Variants in ROBO2 observed in about 807,000 individuals in gnomAD.
ROBO2 encodes roundabout guidance receptor 2.
Under a neutral mutation model 160.8 loss-of-function variants are expected in ROBO2, and 53 were observed. The ratio of observed to expected loss-of-function variants is 0.33; its 90% CI spans 0.26 to 0.41. The LOEUF (loss-of-function observed/expected upper bound fraction) is 0.41. Ranked by LOEUF, ROBO2 falls within the 10% of genes least tolerant of loss-of-function variation. The pLI, the probability that ROBO2 is intolerant of heterozygous loss-of-function variation, is 1.00. For missense variants in ROBO2, 1,577 were observed against 1,722.4 expected (o/e 0.92, Z 1.49); for synonymous variants, 664 against 611.7 (o/e 1.09, Z -1.26).
chr3:76,500,860 A>G (rs1230139726), intron 2 of ROBO2, among the ~76,000 whole-genome samples: 1 of 152,170 alleles, frequency 6.6e-6, no homozygotes, highest in East Asian at 1.9e-4. Context: ...TAATAAAATG[A>G]TAGGTATCCA....
At chr3:76,927,705 T>C (rs1291333104) in intron 2 of ROBO2, among the ~76,000 whole-genome samples, 2 of 152,166 alleles carry the variant, frequency 1.3e-5, no homozygotes, top group Non-Finnish European at 2.9e-5. Flanking sequence ...AGCAAATATA[T>C]CAAAAATTTA....
At chr3:77,489,882 G>T (rs2085851944) in intron 4 of ROBO2, among the ~76,000 whole-genome samples, 1 of 151,986 alleles carries the variant, frequency 6.6e-6, no homozygotes, top group Non-Finnish European at 1.5e-5. Context: ...TTCCAATATT[G>T]TCAGTTTTGC....
intron 6 of ROBO2, among the ~76,000 whole-genome samples, chr3:77,534,161 G>A (rs912270971): frequency 6.6e-6 from 1 of 151,882 alleles, no homozygotes; most frequent in Non-Finnish European, 1.5e-5. Context: ...CATAATTTGT[G>A]GTTTTGGGGC....
intron 2 of ROBO2, among the ~76,000 whole-genome samples, chr3:76,819,961 T>C (rs1319706980): frequency 6.6e-6 from 1 of 152,092 alleles, no homozygotes; most frequent in Non-Finnish European, 1.5e-5. Flanking sequence ...GTCTGTCTGA[T>C]GACTCTATTT....
intron 2 of ROBO2, among the ~76,000 whole-genome samples, chr3:77,114,962 A>T (rs1270113220): frequency 6.6e-6 from 1 of 152,128 alleles, no homozygotes; most frequent in Non-Finnish European, 1.5e-5. Context: ...GAACTACTGT[A>T]AAGATCTTTT....
At chr3:77,609,262 CCTT>C (rs1465110092) in intron 21 of ROBO2, among the ~76,000 whole-genome samples, 1 of 151,880 alleles carries the variant, frequency 6.6e-6, no homozygotes, top group African/African-American at 2.4e-5. Flanking sequence ...CCTGTGTCCT[CCTT>C]CTCTAACATA....
At chr3:77,196,075 T>C (rs1254196987) in intron 2 of ROBO2, among the ~76,000 whole-genome samples, 1 of 152,190 alleles carries the variant, frequency 6.6e-6, no homozygotes, top group Non-Finnish European at 1.5e-5. Flanking sequence ...AATGAAGGCC[T>C]GAAACTAATC....
chr3:77,309,219 T>C (rs2063344046), intron 2 of ROBO2, among the ~76,000 whole-genome samples: 1 of 152,216 alleles, frequency 6.6e-6, no homozygotes, highest in African/African-American at 2.4e-5. Flanking sequence ...TGCCAGTTGT[T>C]ACTAAGCTTT....
chr3:76,946,410 GT>G, intron 2 of ROBO2, among the ~76,000 whole-genome samples: 1 of 151,502 alleles, frequency 6.6e-6, no homozygotes, highest in South Asian at 2.1e-4. Context: ...CTCTAACTCT[GT>G]TTTTTTGTTG....
At chr3:75,955,778 G>T (rs1384546151) in intron 2 of ROBO2, among the ~76,000 whole-genome samples, 1 of 151,622 alleles carries the variant, frequency 6.6e-6, no homozygotes, top group African/African-American at 2.4e-5. Context: ...GTCGTGGTGT[G>T]GGAGATATGT....
chr3:76,406,088 T>G (rs1037294104), intron 2 of ROBO2, among the ~76,000 whole-genome samples: 1 of 151,786 alleles, frequency 6.6e-6, no homozygotes, highest in Non-Finnish European at 1.5e-5. Flanking sequence ...ATTACACAAT[T>G]TTTTCATTTC....
intron 2 of ROBO2, among the ~76,000 whole-genome samples, chr3:76,181,792 TA>T (rs562309823): frequency 5.4e-5 from 8 of 148,614 alleles, no homozygotes; most frequent in Middle Eastern, 3.4e-3. Flanking sequence ...TTTTATGTCC[TA>T]AAAAAAAAGG....
At chr3:77,597,860 T>C (rs907792338) in intron 19 of ROBO2, among the ~76,000 whole-genome samples, 10 of 152,104 alleles carry the variant, frequency 6.6e-5, no homozygotes, top group Non-Finnish European at 1.2e-4. Context: ...TATAGAAGGA[T>C]AGATAACAAA....
At position 76,810,631 on chromosome 3, in the gene ROBO2, C is replaced by G. The variant is rs549391096; in HGVS notation, c.110-287383C>G. ...CAGGAAGAAGAAGAAACAGCTACTA[C>G]AGACACAATTTAAAAGGATTCAAGA... is the stretch of plus-strand genomic sequence containing the variant. On this transcript the variant is annotated intron_variant, in intron 2 of 26. Transcript: ENST00000487694. 9.2e-5 allele frequency among the ~76,000 whole-genome samples: 14 copies of G among 152,178 alleles called. No individual in the cohort carries two copies. The East Asian group carries it at 2.5e-3, about 27-fold the overall frequency.
chr3:77,568,229 G>A (rs2093543719), intron 12 of ROBO2, 84 bp from the exon 14 acceptor site: 2 of 1,502,028 alleles, frequency 1.3e-6, no homozygotes, highest in East Asian at 4.9e-5. Context: ...TAGTTCTAAA[G>A]ACATGAGGTT....
At chr3:76,326,686 G>C (rs986062375) in intron 2 of ROBO2, among the ~76,000 whole-genome samples, 7 of 151,086 alleles carry the variant, frequency 4.6e-5, no homozygotes, top group Non-Finnish European at 1.0e-4. Flanking sequence ...AGTTACATAC[G>C]TATACATGTG....
intron 20 of ROBO2, among the ~76,000 whole-genome samples, chr3:77,607,351 A>G (rs1202913686): frequency 2.0e-5 from 3 of 152,186 alleles, no homozygotes; most frequent in Non-Finnish European, 4.4e-5. Context: ...CCCTTCCTGG[A>G]TTAATTAAAT....
At chr3:77,256,622 T>C (rs1255586092) in intron 2 of ROBO2, among the ~76,000 whole-genome samples, 1 of 152,192 alleles carries the variant, frequency 6.6e-6, no homozygotes, top group African/African-American at 2.4e-5. Context: ...GCTTAAGCAT[T>C]AGTACAAAAA....
intron 1 of ROBO2, among the ~76,000 whole-genome samples, chr3:75,919,851 T>A (rs1284202809): frequency 1.3e-5 from 2 of 152,198 alleles, no homozygotes; most frequent in Admixed American, 6.5e-5. Flanking sequence ...TCTCTGATAA[T>A]AGTTTGTATT....
Sources: gnomAD v4.1 joint callset for allele counts (sites outside exome capture counted in the v4.1 genomes callset) on GRCh38, gnomAD v4.1.1 for gene constraint, MANE v1.5 for transcripts, NCBI Gene and HGNC (gene_info 2026-07-23, HGNC 2026-07-21) for gene names.